Variants in CCDC171 observed in about 807,000 individuals in gnomAD.
The protein encoded by CCDC171 is coiled-coil domain containing 171, also known as coiled-coil domain-containing protein 171.
In CCDC171, 177 loss-of-function variants were observed where a neutral mutation model predicts 168.2. The ratio of observed to expected loss-of-function variants is 1.05; its 90% confidence interval spans 0.93 to 1.19. The LOEUF is 1.19. Ranked by LOEUF, CCDC171 falls within the 50% of genes most tolerant of loss-of-function variation. The pLI, the probability that CCDC171 is intolerant of heterozygous loss-of-function variation, is 0.00. For synonymous variants in CCDC171, 687 were observed against 540.8 expected (o/e 1.27, Z -3.75); for missense variants, 1,991 against 1,539.0 (o/e 1.29, Z -4.91).
chr9:16,085,310 T>TA, the CCDC171 span, among the ~76,000 whole-genome samples: 1 of 152,222 alleles, frequency 6.6e-6, no homozygotes, highest in East Asian at 1.9e-4. Flanking sequence ...AGTAGAGTCT[T>TA]ACGACACTGT....
intron 9 of CCDC171, among the ~76,000 whole-genome samples, chr9:15,673,091 C>T (rs1265383855): frequency 6.6e-6 from 1 of 152,024 alleles, no homozygotes; most frequent in Non-Finnish European, 1.5e-5. Flanking sequence ...AGTTGTATTC[C>T]TAGGTATTTG....
At chr9:15,942,746 G>T (rs1827871585) in intron 25 of CCDC171, among the ~76,000 whole-genome samples, 1 of 151,932 alleles carries the variant, frequency 6.6e-6, no homozygotes, top group Non-Finnish European at 1.5e-5. Context: ...TTGTCCTTAT[G>T]TGTTGACATT....
At chr9:16,076,097 G>A in the CCDC171 span, among the ~76,000 whole-genome samples, 2 of 152,066 alleles carry the variant, frequency 1.3e-5, no homozygotes, top group Non-Finnish European at 2.9e-5. Context: ...AGGTAGAGGG[G>A]TGAATGCTCT....
the CCDC171 span, among the ~76,000 whole-genome samples, chr9:16,100,799 C>T: frequency 6.6e-6 from 1 of 151,778 alleles, no homozygotes; most frequent in Admixed American, 6.6e-5. Context: ...CTGTCAGGCG[C>T]CCCCCACCCC....
At chr9:15,879,441 A>G (rs1818304500) in intron 24 of CCDC171, among the ~76,000 whole-genome samples, 1 of 152,162 alleles carries the variant, frequency 6.6e-6, no homozygotes, top group South Asian at 2.1e-4. Flanking sequence ...TGTTGGGCAT[A>G]TTACAATTCT....
At chr9:15,697,242 G>A (rs1159344182) in intron 11 of CCDC171, among the ~76,000 whole-genome samples, 1 of 152,146 alleles carries the variant, frequency 6.6e-6, no homozygotes. Flanking sequence ...TGTTGGGTGG[G>A]CCCTCTTTCA....
intron 21 of CCDC171, among the ~76,000 whole-genome samples, chr9:15,820,419 A>G (rs2059722399): frequency 8.7e-6 from 1 of 115,266 alleles, no homozygotes; most frequent in South Asian, 2.8e-4. Context: ...TTTTGAAAAG[A>G]TCAACAAAAT....
chr9:16,007,736 G>A (rs148433027), intron 3 of CCDC171, among the ~76,000 whole-genome samples: 304 of 152,284 alleles, frequency 2.0e-3, no homozygotes, highest in African/African-American at 7.0e-3. Context: ...AAGATCAGCT[G>A]GTTGTAGATG....
At chr9:15,698,764 G>T (rs572982983) in intron 11 of CCDC171, among the ~76,000 whole-genome samples, 1 of 152,088 alleles carries the variant, frequency 6.6e-6, no homozygotes, top group South Asian at 2.1e-4. Context: ...TGTTGCTCAG[G>T]ATAGCCTAGA....
At chr9:16,031,914 G>A in intron 6 of CCDC171, among the ~76,000 whole-genome samples, 1 of 152,204 alleles carries the variant, frequency 6.6e-6, no homozygotes, top group Non-Finnish European at 1.5e-5. Flanking sequence ...CCAGAGCAGG[G>A]CAGAGACTGA....
At chr9:15,960,967 A>G (rs1360345362) in intron 25 of CCDC171, among the ~76,000 whole-genome samples, 1 of 152,146 alleles carries the variant, frequency 6.6e-6, no homozygotes, top group East Asian at 1.9e-4. Context: ...ATATAATGGA[A>G]CAATGAAGGA....
At chr9:15,671,274 T>C (rs1321869892) in intron 9 of CCDC171, among the ~76,000 whole-genome samples, 1 of 152,170 alleles carries the variant, frequency 6.6e-6, no homozygotes, top group Non-Finnish European at 1.5e-5. Flanking sequence ...ATTTTAAATT[T>C]CTTCTAAGAG....
chr9:15,799,818 C>T (rs544724991), intron 21 of CCDC171, among the ~76,000 whole-genome samples: 9 of 152,136 alleles, frequency 5.9e-5, no homozygotes, highest in African/African-American at 2.2e-4. Flanking sequence ...CTGTCTATCT[C>T]CATGAGTTCA....
At chr9:15,950,413 A>C (rs1355851184) in intron 25 of CCDC171, among the ~76,000 whole-genome samples, 2 of 152,190 alleles carry the variant, frequency 1.3e-5, no homozygotes, top group Non-Finnish European at 2.9e-5. Flanking sequence ...CATCAGACTA[A>C]CAGCAGATGT....
chr9:15,746,146 A>C (rs116440759), intron 18 of CCDC171, among the ~76,000 whole-genome samples: 3 of 152,202 alleles, frequency 2.0e-5, no homozygotes, highest in African/African-American at 7.2e-5. Context: ...AAAAGTTTAA[A>C]ATGCAAGTTT....
chr9:15,743,335 TTTTTTTA>T (rs1174303585), intron 16 of CCDC171, among the ~76,000 whole-genome samples: 2 of 151,868 alleles, frequency 1.3e-5, no homozygotes, highest in East Asian at 3.9e-4. Context: ...CTGTCTTAAT[TTTTTTTA>T]TTTTTTATTT....
chr9:15,780,414 G>A (rs952812213), intron 20 of CCDC171, among the ~76,000 whole-genome samples: 18 of 151,964 alleles, frequency 1.2e-4, no homozygotes, highest in Admixed American at 5.9e-4. Context: ...TGGGTATGGT[G>A]GCTCATGCCT....
intron 23 of CCDC171, among the ~76,000 whole-genome samples, chr9:15,869,750 A>G (rs184089851): frequency 1.1e-3 from 164 of 151,906 alleles, no homozygotes; most frequent in African/African-American, 3.7e-3. Context: ...TAGACTATAT[A>G]AAACTTGAAA....
intron 18 of CCDC171, among the ~76,000 whole-genome samples, chr9:15,748,058 A>G (rs1048494023): frequency 3.3e-5 from 5 of 152,162 alleles, no homozygotes; most frequent in African/African-American, 1.2e-4. Context: ...AACATAAATG[A>G]CCATCATGTT....
Sources: allele counts gnomAD v4.1 joint callset (sites outside exome capture counted in the v4.1 genomes callset), GRCh38; gene constraint gnomAD v4.1.1; transcripts MANE v1.5; gene names NCBI Gene and HGNC (gene_info 2026-07-23, HGNC 2026-07-21).